The following MCPH1 variants were observed in gnomAD, a reference collection of about 807,000 sequenced individuals.
MCPH1 encodes microcephalin 1.
In MCPH1, 104 loss-of-function variants were observed where a neutral mutation model predicts 84.5. That is an observed-to-expected ratio of 1.23 (90% CI 1.05 to 1.45). The LOEUF is 1.45. Among genes scored for constraint, MCPH1 ranks in the 40% most tolerant of loss-of-function variants. The probability of loss-of-function intolerance (pLI) is 0.00; values close to 1 mark genes in which losing one functional copy is unlikely to be tolerated. For missense variants in MCPH1, 1,498 were observed against 1,005.7 expected, an observed-to-expected ratio of 1.49 and a Z score of -6.62; for synonymous variants, 514 against 366.8, an observed-to-expected ratio of 1.40 and a Z score of -4.58.
intron 13 of MCPH1, among the ~76,000 whole-genome samples, chr8:6,624,336 T>C (rs1239231371): frequency 6.6e-6 from 1 of 152,240 alleles, no homozygotes; most frequent in African/African-American, 2.4e-5. Flanking sequence ...GGGTATTGTG[T>C]GTGCTGCAGA....
At chr8:6,622,617 C>G (rs978508901) in intron 13 of MCPH1, among the ~76,000 whole-genome samples, 1 of 152,146 alleles carries the variant, frequency 6.6e-6, no homozygotes, top group Non-Finnish European at 1.5e-5. Context: ...CGCATTGTCT[C>G]TCAGTTCTGG....
chr8:6,534,366 C>T (rs116464933), intron 12 of MCPH1, among the ~76,000 whole-genome samples: 46 of 152,280 alleles, frequency 3.0e-4, no homozygotes, highest in African/African-American at 9.9e-4. Context: ...CAGATCTACC[C>T]TGTTTTACGG....
At chr8:6,528,689 A>T (rs912217601) in intron 12 of MCPH1, among the ~76,000 whole-genome samples, 2 of 152,190 alleles carry the variant, frequency 1.3e-5, no homozygotes, top group African/African-American at 4.8e-5. Flanking sequence ...TCGACTACTC[A>T]CTTCCTCCAT....
chr8:6,577,640 C>T (rs890525351), intron 12 of MCPH1, among the ~76,000 whole-genome samples: 2 of 152,220 alleles, frequency 1.3e-5, no homozygotes, highest in Non-Finnish European at 1.5e-5. Context: ...TCATGAAAGG[C>T]AGAATAATTT....
chr8:6,551,540 G>C (rs866104612), intron 12 of MCPH1, among the ~76,000 whole-genome samples: 14 of 152,140 alleles, frequency 9.2e-5, no homozygotes, highest in Non-Finnish European at 1.3e-4. Flanking sequence ...TGAGGGGCTG[G>C]TGTTCTGATT....
At chr8:6,589,795 A>G (rs993260751) in intron 12 of MCPH1, among the ~76,000 whole-genome samples, 12 of 152,224 alleles carry the variant, frequency 7.9e-5, no homozygotes, top group Non-Finnish European at 1.0e-4. Context: ...CCAAACCATT[A>G]TATAGTCATG....
chr8:6,553,262 C>G (rs1823981103), intron 12 of MCPH1, among the ~76,000 whole-genome samples: 1 of 152,020 alleles, frequency 6.6e-6, no homozygotes, highest in African/African-American at 2.4e-5. Flanking sequence ...TAAAACTGCT[C>G]TAAAAAACAT....
intron 6 of MCPH1, among the ~76,000 whole-genome samples, chr8:6,439,530 G>T (rs544607998): frequency 6.6e-6 from 1 of 151,026 alleles, no homozygotes; most frequent in Non-Finnish European, 1.5e-5. Flanking sequence ...GATTACAGGC[G>T]CCTGTCACCA....
rs532260276 is a variant in MCPH1, at chr8:6,599,048, G to A, written c.2215-22406G>A. Reference sequence around the variant, plus strand: ...AGATGCTACTTCCTAGCGCGAATACGGGGCTCTTAAAAGTCCTGATAAAAG... The same window carrying A: ...AGATGCTACTTCCTAGCGCGAATACAGGGCTCTTAAAAGTCCTGATAAAAG... On this transcript the variant is annotated intron_variant, in intron 12 of 13. Coordinates refer to ENST00000344683, the MANE Select transcript of MCPH1 (RefSeq NM_024596.5). 7.2e-5 allele frequency among the ~76,000 whole-genome samples: 11 copies of A among 152,270 alleles called. No homozygotes were observed. In the South Asian group the frequency reaches 1.0e-3, roughly 14 times the overall value.
At chr8:6,574,239 T>C (rs1453261146) in intron 12 of MCPH1, among the ~76,000 whole-genome samples, 2 of 152,214 alleles carry the variant, frequency 1.3e-5, no homozygotes, top group South Asian at 2.1e-4. Context: ...AAGTCTGTAA[T>C]TGAGGCATCA....
intron 12 of MCPH1, among the ~76,000 whole-genome samples, chr8:6,503,815 G>A (rs1168316459): frequency 2.0e-5 from 3 of 152,178 alleles, no homozygotes; most frequent in Non-Finnish European, 4.4e-5. Context: ...GCTAAAGCCA[G>A]GGCAGGAGAG....
At chr8:6,431,637 T>G (rs780183937) in intron 4 of MCPH1, 51 bp downstream of exon 4, 67 of 1,214,866 alleles carry the variant, frequency 5.5e-5, no homozygotes, top group Non-Finnish European at 7.8e-5. Flanking sequence ...TTTATTCGTT[T>G]TTATTTTTTA....
At chr8:6,622,323 C>G (rs1459248919) in intron 13 of MCPH1, 1 of 158,880 alleles carries the variant, frequency 6.3e-6, no homozygotes, top group East Asian at 1.8e-4. Flanking sequence ...GCTGGAACCC[C>G]ACGCCGTGCT....
intron 1 of MCPH1, among the ~76,000 whole-genome samples, chr8:6,409,043 C>G (rs943297617): frequency 6.6e-6 from 1 of 152,056 alleles, no homozygotes; most frequent in Non-Finnish European, 1.5e-5. Flanking sequence ...CGCCACCATG[C>G]TCGGCTAATT....
chr8:6,480,578 A>T (rs1224987375), intron 10 of MCPH1, 136 bp from the exon 11 acceptor site: 2 of 841,574 alleles, frequency 2.4e-6, no homozygotes, highest in African/African-American at 3.3e-5. Context: ...GTCAGTTAAG[A>T]TATACGTACC....
At chr8:6,446,515 G>C in intron 8 of MCPH1, 2 of 984,364 alleles carry the variant, frequency 2.0e-6, no homozygotes, top group Non-Finnish European at 2.4e-6. Context: ...TTTTTGGCCT[G>C]CTATTTATAT....
At chr8:6,476,429 CAA>C (rs57044817) in intron 9 of MCPH1, among the ~76,000 whole-genome samples, 13 of 71,224 alleles carry the variant, frequency 1.8e-4, no homozygotes, top group East Asian at 3.8e-4. Flanking sequence ...AACTCCATCT[CAA>C]AAAAAAAAAA....
chr8:6,413,871 C>T (rs908585813), intron 2 of MCPH1, among the ~76,000 whole-genome samples: 18 of 151,966 alleles, frequency 1.2e-4, no homozygotes, highest in African/African-American at 4.4e-4. Flanking sequence ...TCTCCTGCCT[C>T]AGCCTCCCGA....
intron 12 of MCPH1, among the ~76,000 whole-genome samples, chr8:6,506,925 C>G (rs1304936295): frequency 6.6e-6 from 1 of 151,344 alleles, no homozygotes; most frequent in East Asian, 1.9e-4. Flanking sequence ...GAGACGGAGT[C>G]TCACTCTTGT....
Sources: gnomAD v4.1 joint callset for allele counts (sites outside exome capture counted in the v4.1 genomes callset) on GRCh38, gnomAD v4.1.1 for gene constraint, MANE v1.5 for transcripts, NCBI Gene and HGNC (gene_info 2026-07-23, HGNC 2026-07-21) for gene names.